SRCIN1: variants seen among roughly 807,000 people sequenced by gnomAD.
SRCIN1 encodes SRC kinase signaling inhibitor 1, also known as P130Cas-associated protein.
In SRCIN1, 50 loss-of-function variants were observed where a neutral mutation model predicts 116.2. That is an observed-to-expected ratio of 0.43 (90% CI 0.34 to 0.54). The LOEUF is 0.54. Among genes scored for constraint, SRCIN1 ranks in the 20% least tolerant of loss-of-function variants. The pLI, the probability that SRCIN1 is intolerant of heterozygous loss-of-function variation, is 0.02. For missense variants in SRCIN1, 1,446 were observed against 1,672.0 expected, an observed-to-expected ratio of 0.86 and a Z score of 2.36; for synonymous variants, 736 against 750.0, an observed-to-expected ratio of 0.98 and a Z score of 0.30.
intron 1 of SRCIN1, among the ~76,000 whole-genome samples, chr17:38,584,146 T>A (rs1476271757): frequency 6.6e-6 from 1 of 151,864 alleles, no homozygotes; most frequent in African/African-American, 2.4e-5. Context: ...GGGAGAGGGA[T>A]AGGGGCATTG....
intron 15 of SRCIN1, among the ~76,000 whole-genome samples, chr17:38,550,651 C>T (rs1291599645): frequency 6.6e-6 from 1 of 152,200 alleles, no homozygotes; most frequent in Non-Finnish European, 1.5e-5. Flanking sequence ...CAAGCCCTGT[C>T]TTATTTCCGT....
At chr17:38,576,277 C>G (rs1178103747) in intron 2 of SRCIN1, among the ~76,000 whole-genome samples, 1 of 152,150 alleles carries the variant, frequency 6.6e-6, no homozygotes, top group East Asian at 1.9e-4. Context: ...CTTTACCACA[C>G]CACGAGACAC....
rs1183510802 is a variant in SRCIN1 at position 38,531,876 on chromosome 17, C to T, written c.*1421G>A. On this transcript the variant is annotated 3_prime_UTR_variant, in exon 19 of 19. Coordinates refer to ENST00000617146, the MANE Select transcript of SRCIN1 (RefSeq NM_025248.3). ...TGGGGGACTGATTCTAGTCCCCCTC[C>T]CCTGTGCTTACTTCACTTTGTGCTC... 2.0e-5 allele frequency: 3 copies of T among 152,882 alleles called. No individual in the cohort carries two copies. The highest frequency in any genetic ancestry group is 7.2e-5 in the African/African-American group (3 of 41,456). 9.5% of individuals were successfully genotyped at this position (152,882 alleles called of 1,614,324 possible).
At chr17:38,540,020 CAAAA>C (rs71138631) in intron 18 of SRCIN1, among the ~76,000 whole-genome samples, 12 of 60,986 alleles carry the variant, frequency 2.0e-4, no homozygotes, top group Admixed American at 1.3e-3. Flanking sequence ...GACTCCATCT[CAAAA>C]AAAAAAAAAA....
Position 38,561,791 on chromosome 17 carries a change from C to T in SRCIN1, c.1372G>A (p.Gly458Ser). Residue 458 changes from glycine (G) to serine (S), a missense_variant, in exon 7 of 19, where the codon GGC becomes AGC. Gly to Ser is a moderately conservative substitution (Grantham distance 56). This residue lies in a region of SRCIN1 where 398 missense variants were observed against 385.6 expected (regional missense o/e 1.03). Transcript: ENST00000617146. ...EDSLYKAAGGGGPLYGDGYGF... is the reference protein window; with the variant it reads ...EDSLYKAAGGSGPLYGDGYGF... ...TAGCCGTCGCCGTACAGCGGGCCGC[C>T]GCCGCCCGCCGCCTTGTACAGGGAG... 1.3e-6 allele frequency: 2 copies of T among 1,482,182 alleles called. No individual in the cohort carries two copies. Among genetic ancestry groups the T allele is most frequent in the Non-Finnish European group, 1.8e-6 (2 of 1,123,440 alleles). 91.8% of individuals were successfully genotyped at this position (1,482,182 alleles called of 1,614,324 possible).
At chr17:38,595,359 A>G (rs902241623) in intron 1 of SRCIN1, among the ~76,000 whole-genome samples, 19 of 152,088 alleles carry the variant, frequency 1.2e-4, no homozygotes, top group African/African-American at 4.6e-4. Flanking sequence ...CTGGGATTAC[A>G]GACACCCGCC....
In SRCIN1 at chr17:38,564,261, G is replaced by A. The variant is rs867821061; in HGVS notation, c.398C>T (p.Ala133Val). ...GGCGGAGGCGTAGGACAGCTTTGCC[G>A]CCTGGTCTGCCAGCCCGGGCTGGGC... ...QGAQPGLADQ[A>V]AKLSYASAES... The change falls in exon 4 of 19, where the codon GCG (alanine) becomes GTG (valine). Residue 133 changes from alanine to valine, a missense_variant. Transcript: ENST00000617146. The A allele has an allele frequency of 5.1e-6, 8 of 1,573,460 alleles. No individual in the cohort carries two copies. Among genetic ancestry groups the A allele is most frequent in the Non-Finnish European group, 6.9e-6 (8 of 1,162,244 alleles).
At position 38,578,659 on chromosome 17, in the gene SRCIN1, G is replaced by A; in HGVS notation, c.155C>T (p.Thr52Met). 1.9e-6 allele frequency: 3 copies of A among 1,577,450 alleles called. No individual in the cohort carries two copies. The highest frequency in any genetic ancestry group is 2.6e-6 in the Non-Finnish European group (3 of 1,163,066). The stretch of plus-strand genomic sequence containing the variant: ...GATCACCGTGTGCCGCCGCTCGGAC[G>A]TGTGCACCAGCCCCACGTTGGAGAA... ...RRFSNVGLVH[T>M]SERRHTVIAA... is the part of the protein sequence containing the mutation. Residue 52 changes from threonine (T) to methionine (M), a missense_variant, in exon 2 of 19, where the codon ACG becomes ATG. By Grantham distance (81) the Thr-to-Met change is moderately conservative. Transcript: ENST00000617146.
intron 15 of SRCIN1, among the ~76,000 whole-genome samples, chr17:38,549,971 T>C (rs572997288): frequency 2.8e-4 from 43 of 152,328 alleles, no homozygotes; most frequent in African/African-American, 9.6e-4. Context: ...ATTTGCAAGA[T>C]TTCAGTGAAA....
rs545330346 is a variant in SRCIN1 at position 38,543,746 on chromosome 17, C to T, written c.3417+77G>A. 52 of 1,543,986 alleles carry T rather than the reference C, an allele frequency of 3.4e-5. 1 individual carries two copies. The South Asian group carries it at 6.3e-4, about 19-fold the overall frequency. On this transcript the variant is annotated intron_variant, in intron 18 of 18. Coordinates refer to ENST00000617146, the MANE Select transcript of SRCIN1 (RefSeq NM_025248.3). ...GGAAAGCTGGTCACGGGAGCAGGGGCAGGAGATGCCCAGTGGGGCAGGGGC... is the reference window on the plus strand; with the variant it reads ...GGAAAGCTGGTCACGGGAGCAGGGGTAGGAGATGCCCAGTGGGGCAGGGGC...
intron 18 of SRCIN1, among the ~76,000 whole-genome samples, chr17:38,538,100 A>AAAAT (rs944104620): frequency 2.7e-5 from 4 of 150,364 alleles, no homozygotes; most frequent in Admixed American, 6.7e-5. Context: ...GGTCCATCTC[A>AAAAT]AAATAAATAA....
chr17:38,605,680 A>T lies in SRCIN1; in HGVS notation c.22+4T>A. On this transcript the variant is annotated splice_donor_region_variant and intron_variant, in intron 1 of 18. Transcript: ENST00000617146. ...CATTAGGGAGGAGAGAGACAGGGAC[A>T]TGCCTTGGGACGGAGCGTTCCCCAT... The T allele has an allele frequency of 2.4e-6, 3 of 1,262,908 alleles. No individual in the cohort carries two copies. The highest frequency in any genetic ancestry group is 1.9e-5 in the South Asian group (1 of 53,238). The allele number at this position is 1,262,908 out of a possible 1,614,324, so 78.2% of individuals were successfully genotyped here.
Position 38,605,715 on chromosome 17 carries a change from G to C in SRCIN1, c.-10C>G. ...ACGGAGCGTTCCCCATCGGGCGGGG[G>C]CGCGGGGGGCGGGGGCCCCGGGCCG... On this transcript the variant is annotated 5_prime_UTR_variant, in exon 1 of 19. Transcript: ENST00000617146. The C allele has an allele frequency of 8.3e-7, 1 of 1,200,856 alleles. No individual in the cohort carries two copies. The highest frequency in any genetic ancestry group is 1.0e-6 in the Non-Finnish European group (1 of 959,044). 74.4% of individuals were successfully genotyped at this position (1,200,856 alleles called of 1,614,324 possible).
At chr17:38,600,831 C>A (rs1027696575) in intron 1 of SRCIN1, among the ~76,000 whole-genome samples, 1 of 152,234 alleles carries the variant, frequency 6.6e-6, no homozygotes, top group Admixed American at 6.5e-5. Context: ...GGGGTCCCCT[C>A]GACTACAGCC....
intron 1 of SRCIN1, among the ~76,000 whole-genome samples, chr17:38,594,184 G>C (rs1168303935): frequency 6.6e-6 from 1 of 152,222 alleles, no homozygotes; most frequent in Non-Finnish European, 1.5e-5. Flanking sequence ...TAACTCACGC[G>C]AGCAAGGAGG....
intron 1 of SRCIN1, among the ~76,000 whole-genome samples, chr17:38,584,728 C>T (rs1908022440): frequency 1.3e-5 from 2 of 152,202 alleles, no homozygotes; most frequent in African/African-American, 4.8e-5. Flanking sequence ...TCTCATAAGC[C>T]ACCAAGCCGG....
chr17:38,571,629 G>A (rs956676295), intron 2 of SRCIN1, among the ~76,000 whole-genome samples: 10 of 152,214 alleles, frequency 6.6e-5, no homozygotes, highest in African/African-American at 2.4e-4. Flanking sequence ...ACAGTGAAAG[G>A]GGGAAATAAA....
Position 38,543,841 on chromosome 17 carries a change from C to T in SRCIN1, c.3399G>A (p.Arg1133=). 1 of 1,607,210 alleles carries T rather than the reference C, an allele frequency of 6.2e-7. No individual in the cohort carries two copies. The highest frequency in any genetic ancestry group is 8.5e-7 in the Non-Finnish European group (1 of 1,179,654). Residue 1133 remains arginine, a synonymous_variant, in exon 18 of 19, where the codon CGG becomes CGA. Coordinates refer to ENST00000617146, the MANE Select transcript of SRCIN1 (RefSeq NM_025248.3). ...CCCTCACCTGCTGCTGGGCCTGGATCCGCATGTACTCGGCCCTCTGCTTGC... is the reference window on the plus strand; with the variant it reads ...CCCTCACCTGCTGCTGGGCCTGGATTCGCATGTACTCGGCCCTCTGCTTGC... ...KHGKQRAEYM[R]IQAQQQATKP...
At position 38,532,633 on chromosome 17, in the gene SRCIN1, C is replaced by G. The variant is rs1039985161; in HGVS notation, c.*664G>C. ...CACACCCACCCTGAGGCCTCTCAAA[C>G]TCCGGCCTCGTCTCCAGCCTGTCCG... On this transcript the variant is annotated 3_prime_UTR_variant, in exon 19 of 19. Coordinates refer to ENST00000617146, the MANE Select transcript of SRCIN1 (RefSeq NM_025248.3). This position sits in a 1 kb window ranked among gnomAD's most constrained non-coding sequence, Gnocchi z 4.3. The G allele has an allele frequency of 2.0e-5, 3 of 152,340 alleles. No individual in the cohort carries two copies. Among genetic ancestry groups the G allele is most frequent in the African/African-American group, 7.2e-5 (3 of 41,452 alleles). 9.4% of individuals were successfully genotyped at this position (152,340 alleles called of 1,614,324 possible).
Sources: allele counts gnomAD v4.1 joint callset (sites outside exome capture counted in the v4.1 genomes callset), GRCh38; gene constraint gnomAD v4.1.1; regional missense constraint gnomAD v4.1.1; non-coding constraint Gnocchi (gnomAD v3.1); transcripts MANE v1.5; gene names NCBI Gene and HGNC (gene_info 2026-07-23, HGNC 2026-07-21).